RPS6KA6: variants seen among roughly 807,000 people sequenced by gnomAD.
The protein encoded by RPS6KA6 is ribosomal protein S6 kinase alpha-6.
RPS6KA6 carries 27 observed loss-of-function variants against 65.4 expected under a neutral mutation model. The ratio of observed to expected loss-of-function variants is 0.41; its 90% confidence interval spans 0.30 to 0.57. RPS6KA6 has a LOEUF of 0.57. Ranked by LOEUF, RPS6KA6 falls within the 20% of genes least tolerant of loss-of-function variation. RPS6KA6 has a pLI of 0.24. For synonymous variants in RPS6KA6, 190 were observed against 184.2 expected, an observed-to-expected ratio of 1.03 and a Z score of -0.26; for missense variants, 486 against 555.6, an observed-to-expected ratio of 0.87 and a Z score of 1.26.
intron 17 of RPS6KA6, 129 bp downstream of exon 17, chrX:84,104,370 G>T: frequency 2.9e-6 from 1 of 341,287 alleles, no homozygotes; most frequent in Non-Finnish European, 4.9e-6. Flanking sequence ...TACATTGTGA[G>T]TTCTATTAGG....
intron 20 of RPS6KA6, among the ~76,000 whole-genome samples, chrX:84,071,627 G>C (rs1206388820): frequency 2.7e-5 from 3 of 110,274 alleles, no homozygotes; most frequent in Admixed American, 9.7e-5. Context: ...AAACAAAATA[G>C]AGAATAAAAA....
intron 12 of RPS6KA6, among the ~76,000 whole-genome samples, chrX:84,108,347 T>A (rs1477683036): frequency 1.8e-5 from 2 of 112,332 alleles, no homozygotes; most frequent in East Asian, 5.6e-4. Flanking sequence ...GACTTTTAGT[T>A]CATTATGGCT....
At chrX:84,141,036 T>A (rs1404003184) in intron 6 of RPS6KA6, among the ~76,000 whole-genome samples, 1 of 110,224 alleles carries the variant, frequency 9.1e-6, no homozygotes, top group African/African-American at 3.3e-5. Flanking sequence ...CCCAAAATGA[T>A]CAAAGTGTTT....
chrX:84,066,206 G>GTTTT (rs1207109128), intron 20 of RPS6KA6, among the ~76,000 whole-genome samples: 1 of 95,892 alleles, frequency 1.0e-5, no homozygotes, highest in Admixed American at 1.2e-4. Context: ...GCTAGCTGCA[G>GTTTT]TTTTTTTTTT....
chrX:84,110,967 A>G (rs956629593), intron 12 of RPS6KA6, among the ~76,000 whole-genome samples: 2 of 106,437 alleles, frequency 1.9e-5, no homozygotes, highest in Non-Finnish European at 3.9e-5. Flanking sequence ...ATCAGAAAAC[A>G]ATTCAGGAGA....
chrX:84,061,978 T>C lies in RPS6KA6; in HGVS notation c.*2299A>G, dbSNP rs1472518205. Reference sequence around the variant, plus strand: ...CAGTATGTTTTGAAGCTCTCCCATATAATAAGGTTGCCCCCTACTACTGTG... The same window carrying C: ...CAGTATGTTTTGAAGCTCTCCCATACAATAAGGTTGCCCCCTACTACTGTG... On this transcript the variant is annotated 3_prime_UTR_variant, in exon 22 of 22. Coordinates refer to ENST00000262752, the MANE Select transcript of RPS6KA6 (RefSeq NM_014496.5). 1 of 111,338 alleles carries C rather than the reference T, an allele frequency of 9.0e-6. No individual in the cohort carries two copies. The highest frequency in any genetic ancestry group is 9.6e-5 in the Admixed American group (1 of 10,458). The allele number at this position is 111,338 out of a possible 1,213,427, so 9.2% of individuals were successfully genotyped here.
rs192825370 is a variant in RPS6KA6, at chrX:84,066,252, G to A, written c.1972-1141C>T. ...ACCCAGTGGTGCCTGGAATCCCAGC[G>A]AGACAGAACCATTCACTCCTCTGGA... On this transcript the variant is annotated intron_variant, in intron 20 of 21. Transcript: ENST00000262752. Among the ~76,000 whole-genome samples, 3 of 105,178 alleles carry A rather than the reference G, an allele frequency of 2.9e-5. No individual in the cohort carries two copies. The Admixed American group carries it at 3.1e-4, about 11-fold the overall frequency. 91.3% of individuals were successfully genotyped at this position (105,178 alleles called of 115,157 possible).
chrX:84,078,978 T>A (rs985538010), intron 20 of RPS6KA6, among the ~76,000 whole-genome samples: 1 of 111,129 alleles, frequency 9.0e-6, no homozygotes, highest in Admixed American at 9.5e-5. Flanking sequence ...TAAAAAAAAA[T>A]AAAAAAACTC....
intron 17 of RPS6KA6, 152 bp downstream of exon 17, chrX:84,104,347 C>G (rs769481568): frequency 3.3e-6 from 1 of 304,165 alleles, no homozygotes; most frequent in Non-Finnish European, 5.6e-6. Context: ...TTTCCTAAAT[C>G]CATAAACTTC....
chrX:84,183,995 T>C (rs978091658), intron 1 of RPS6KA6, among the ~76,000 whole-genome samples: 3 of 112,391 alleles, frequency 2.7e-5, no homozygotes, highest in African/African-American at 9.7e-5. Context: ...ACTCAATAAA[T>C]GCTTCATGAA....
intron 20 of RPS6KA6, 102 bp from the exon 21 acceptor site, chrX:84,065,213 T>C (rs1046668966): frequency 4.0e-6 from 2 of 504,443 alleles, no homozygotes; most frequent in Non-Finnish European, 6.3e-6. Context: ...GCAATCTGTT[T>C]ATTTCACCTA....
At chrX:84,085,057 T>C (rs769038313) in intron 20 of RPS6KA6, among the ~76,000 whole-genome samples, 2 of 112,098 alleles carry the variant, frequency 1.8e-5, no homozygotes, top group South Asian at 7.4e-4. Flanking sequence ...ATTGATTTTG[T>C]ATCCTGAGAT....
At chrX:84,087,035 G>A (rs979879503) in intron 20 of RPS6KA6, among the ~76,000 whole-genome samples, 4 of 110,772 alleles carry the variant, frequency 3.6e-5, no homozygotes, top group African/African-American at 9.9e-5. Context: ...TTTATTCTGC[G>A]TCTCTGTGTG....
chrX:84,112,127 G>T (rs1222766198), intron 12 of RPS6KA6, among the ~76,000 whole-genome samples: 2 of 111,739 alleles, frequency 1.8e-5, no homozygotes, highest in South Asian at 3.7e-4. Context: ...TAAACCAAAA[G>T]ATTTAATTAT....
chrX:84,065,369 C>T (rs1366261568), intron 20 of RPS6KA6, among the ~76,000 whole-genome samples: 2 of 111,202 alleles, frequency 1.8e-5, no homozygotes, highest in African/African-American at 3.3e-5. Flanking sequence ...TGATTAGTGA[C>T]GGAGGAGGAA....
chrX:84,096,682 T>C (rs901409387), intron 19 of RPS6KA6, among the ~76,000 whole-genome samples: 16 of 111,690 alleles, frequency 1.4e-4, no homozygotes, highest in Non-Finnish European at 5.7e-5. Flanking sequence ...AATGTTAATT[T>C]CATATATTCA....
intron 3 of RPS6KA6, among the ~76,000 whole-genome samples, chrX:84,148,625 C>T (rs2035243096): frequency 9.0e-6 from 1 of 111,270 alleles, no homozygotes; most frequent in African/African-American, 3.3e-5. Context: ...CAAACTTGAG[C>T]TACATACCTC....
At chrX:84,126,375 T>C (rs2034784466) in intron 8 of RPS6KA6, among the ~76,000 whole-genome samples, 1 of 111,275 alleles carries the variant, frequency 9.0e-6, no homozygotes, top group Non-Finnish European at 1.9e-5. Flanking sequence ...AAGAGGGATA[T>C]AGAACTCAAT....
chrX:84,170,304 G>T, intron 1 of RPS6KA6, among the ~76,000 whole-genome samples: 1 of 110,317 alleles, frequency 9.1e-6, no homozygotes, highest in Non-Finnish European at 1.9e-5. Flanking sequence ...GTAAATTAGA[G>T]CTAAAGATAA....
Sources: gnomAD v4.1 joint callset for allele counts (sites outside exome capture counted in the v4.1 genomes callset) on GRCh38, gnomAD v4.1.1 for gene constraint, MANE v1.5 for transcripts, NCBI Gene and HGNC (gene_info 2026-07-23, HGNC 2026-07-21) for gene names.